Variants in MYRIP observed in about 807,000 individuals in gnomAD.
The protein encoded by MYRIP is rab effector MyRIP.
A neutral mutation model predicts 98.0 loss-of-function variants in MYRIP; 49 were observed. The ratio of observed to expected loss-of-function variants is 0.50; its 90% confidence interval spans 0.40 to 0.63. The LOEUF is 0.63. MYRIP is among the 30% of genes least tolerant of loss of function. The pLI is 0.00. For synonymous variants in MYRIP, 404 were observed against 409.5 expected (o/e 0.99, Z 0.16); for missense variants, 1,004 against 1,058.2 (o/e 0.95, Z 0.71).
chr3:39,892,039 C>T (rs1216989883), intron 1 of MYRIP, among the ~76,000 whole-genome samples: 1 of 151,942 alleles, frequency 6.6e-6, no homozygotes, highest in Non-Finnish European at 1.5e-5. Flanking sequence ...CCGTCTTCCT[C>T]TAGAAAGCTT....
chr3:39,892,122 A>G (rs1943505526), intron 1 of MYRIP, among the ~76,000 whole-genome samples: 1 of 152,142 alleles, frequency 6.6e-6, no homozygotes, highest in South Asian at 2.1e-4. Flanking sequence ...TATATCTTTA[A>G]TCTGCTTTAC....
chr3:40,081,373 G>T (rs1225531400), intron 3 of MYRIP, among the ~76,000 whole-genome samples: 1 of 152,050 alleles, frequency 6.6e-6, no homozygotes, highest in African/African-American at 2.4e-5. Context: ...CTTTCCTTTT[G>T]CAATTGTCTG....
chr3:40,132,810 C>T (rs1479307258), intron 3 of MYRIP, among the ~76,000 whole-genome samples: 1 of 152,270 alleles, frequency 6.6e-6, no homozygotes, highest in Non-Finnish European at 1.5e-5. Flanking sequence ...ATGGGCATGG[C>T]ATCCAGTGGC....
At chr3:40,002,426 T>G (rs768051432) in intron 2 of MYRIP, among the ~76,000 whole-genome samples, 36 of 152,014 alleles carry the variant, frequency 2.4e-4, no homozygotes, top group Non-Finnish European at 8.8e-5. Context: ...TCCCAGCTCC[T>G]TGGGAGGCTG....
chr3:40,213,609 AACAC>A (rs71618924), intron 11 of MYRIP, among the ~76,000 whole-genome samples: 1 of 42,888 alleles, frequency 2.3e-5, no homozygotes, highest in Non-Finnish European at 8.5e-5. Context: ...TAGTCTGAGC[AACAC>A]ACACACACAC....
chr3:40,161,462 G>A (rs1193682843), intron 4 of MYRIP, among the ~76,000 whole-genome samples: 2 of 152,118 alleles, frequency 1.3e-5, no homozygotes, highest in Non-Finnish European at 2.9e-5. Context: ...GGCCTACAGG[G>A]CATGCCAGGC....
At chr3:40,062,028 T>C (rs1401338116) in intron 3 of MYRIP, among the ~76,000 whole-genome samples, 2 of 152,198 alleles carry the variant, frequency 1.3e-5, no homozygotes, top group Non-Finnish European at 2.9e-5. Flanking sequence ...TTTGTAAAAA[T>C]TTTCTCCCAT....
At chr3:40,021,116 A>AC (rs1473486841) in intron 2 of MYRIP, among the ~76,000 whole-genome samples, 1 of 152,088 alleles carries the variant, frequency 6.6e-6, no homozygotes, top group African/African-American at 2.4e-5. Flanking sequence ...GGAAGCCTTT[A>AC]CCCCCCTTTG....
intron 3 of MYRIP, among the ~76,000 whole-genome samples, chr3:40,108,472 A>G (rs915976736): frequency 2.6e-5 from 4 of 152,152 alleles, no homozygotes; most frequent in Non-Finnish European, 5.9e-5. Context: ...GGGAGTGCTG[A>G]CATTCAACAA....
chr3:40,065,668 A>C (rs1027452680), intron 3 of MYRIP, among the ~76,000 whole-genome samples: 4 of 152,202 alleles, frequency 2.6e-5, no homozygotes, highest in Non-Finnish European at 5.9e-5. Flanking sequence ...CAGTTTTAAA[A>C]CAAGAGGTAG....
intron 2 of MYRIP, among the ~76,000 whole-genome samples, chr3:40,025,193 G>A (rs1046654432): frequency 5.3e-5 from 8 of 152,130 alleles, no homozygotes; most frequent in African/African-American, 1.9e-4. Context: ...GGGGCATGGC[G>A]AGTGCTCCAA....
At chr3:40,024,065 G>A (rs986529251) in intron 2 of MYRIP, among the ~76,000 whole-genome samples, 1 of 152,134 alleles carries the variant, frequency 6.6e-6, no homozygotes, top group African/African-American at 2.4e-5. Flanking sequence ...GAGGAAGTAG[G>A]GTACTCGCTC....
Position 40,044,164 on chromosome 3 carries a change from C to G in MYRIP, c.225C>G (p.Val75=). The change falls in exon 3 of 17, where the codon GTC becomes GTG. Residue 75 remains valine (V), a synonymous_variant. Coordinates refer to ENST00000302541, the MANE Select transcript of MYRIP (RefSeq NM_015460.4). The stretch of plus-strand genomic sequence containing the variant: ...GCTGCTCGCCCTTCACCTTCCTCGT[C>G]AACACCAAGCGCCAGTGTGGAGATT... The part of the protein sequence containing the change: ...MRCCSPFTFL[V]NTKRQCGDCK... The G allele has an allele frequency of 6.2e-7, 1 of 1,614,170 alleles. No homozygotes were observed.
rs183283490 is a variant in MYRIP at position 39,974,196 on chromosome 3, C to G, written c.111-69854C>G. Among the ~76,000 whole-genome samples, 894 of 151,930 alleles carry G rather than the reference C, an allele frequency of 5.9e-3. 7 individuals carry two copies. Among genetic ancestry groups the G allele is most frequent in the African/African-American group, 0.02 (828 of 41,442 alleles). On this transcript the variant is annotated intron_variant, in intron 2 of 16. Transcript: ENST00000302541. ...ATAAAAGAGAAGAATCAAATAGACG[C>G]AATAAAAAATGATAAAGGGGATATC...
chr3:40,008,499 C>T lies in MYRIP; in HGVS notation c.111-35551C>T, dbSNP rs536058680. 1.9e-3 allele frequency among the ~76,000 whole-genome samples: 296 copies of T among 152,266 alleles called. 1 individual carries two copies. Among genetic ancestry groups the T allele is most frequent in the African/African-American group, 6.8e-3 (282 of 41,550 alleles). On this transcript the variant is annotated intron_variant, in intron 2 of 16. Transcript: ENST00000302541. ...GCCAGGCTGTAAGTCCCTGCTTTGTCTCAGTTTCCTCTCCAGGGAAACAGG... is the reference window on the plus strand; with the variant it reads ...GCCAGGCTGTAAGTCCCTGCTTTGTTTCAGTTTCCTCTCCAGGGAAACAGG...
intron 2 of MYRIP, among the ~76,000 whole-genome samples, chr3:39,943,592 C>G (rs1425146702): frequency 6.6e-6 from 1 of 152,060 alleles, no homozygotes; most frequent in Non-Finnish European, 1.5e-5. Flanking sequence ...GAACACTGTC[C>G]TATGAGATCA....
chr3:39,854,557 A>T (rs1942228732), intron 1 of MYRIP, among the ~76,000 whole-genome samples: 1 of 152,108 alleles, frequency 6.6e-6, no homozygotes, highest in African/African-American at 2.4e-5. Context: ...ACTGTTTTTT[A>T]AAATTTTTTT....
chr3:39,840,373 A>G (rs2125593688), intron 1 of MYRIP, among the ~76,000 whole-genome samples: 1 of 152,130 alleles, frequency 6.6e-6, no homozygotes, highest in Non-Finnish European at 1.5e-5. Flanking sequence ...GTCTTTGCAC[A>G]TGAGATGGGT....
At chr3:39,991,019 G>A (rs1322850498) in intron 2 of MYRIP, among the ~76,000 whole-genome samples, 1 of 152,136 alleles carries the variant, frequency 6.6e-6, no homozygotes, top group Non-Finnish European at 1.5e-5. Flanking sequence ...GGCTACGGGA[G>A]GGATAACATT....
Sources: gnomAD v4.1 joint callset for allele counts (sites outside exome capture counted in the v4.1 genomes callset) on GRCh38, gnomAD v4.1.1 for gene constraint, MANE v1.5 for transcripts, NCBI Gene and HGNC (gene_info 2026-07-23, HGNC 2026-07-21) for gene names.